The following GABRG3 variants were observed in gnomAD, a reference collection of about 807,000 sequenced individuals.
GABRG3 encodes the protein gamma-aminobutyric acid receptor subunit gamma-3.
In GABRG3, 25 loss-of-function variants were observed where a neutral mutation model predicts 48.8. The ratio of observed to expected loss-of-function variants is 0.51; its 90% CI spans 0.37 to 0.72. The LOEUF (loss-of-function observed/expected upper bound fraction) is 0.72, where lower values mean the gene tolerates loss of function less well. Ranked by LOEUF, GABRG3 falls within the 30% of genes least tolerant of loss-of-function variation. GABRG3 has a pLI of 0.00. For missense variants in GABRG3, 394 were observed against 577.9 expected (o/e 0.68, Z 3.26); for synonymous variants, 227 against 217.6 (o/e 1.04, Z -0.38).
chr15:27,163,121 C>T (rs28593640), intron 3 of GABRG3, among the ~76,000 whole-genome samples: 15,808 of 152,032 alleles, frequency 0.1, 1,553 homozygotes, highest in African/African-American at 0.26. Context: ...CCTACCAAGC[C>T]TGGTCCCAGA....
At chr15:27,149,137 A>G (rs1898263228) in intron 3 of GABRG3, among the ~76,000 whole-genome samples, 1 of 152,154 alleles carries the variant, frequency 6.6e-6, no homozygotes, top group Non-Finnish European at 1.5e-5. Flanking sequence ...AAAATAATGA[A>G]TGAGTTCAAC....
chr15:27,237,383 A>T (rs1890006165), intron 3 of GABRG3, among the ~76,000 whole-genome samples: 2 of 152,342 alleles, frequency 1.3e-5, no homozygotes, highest in South Asian at 4.1e-4. Context: ...ATCATCCTTC[A>T]TGTTTTTCCA....
intron 5 of GABRG3, among the ~76,000 whole-genome samples, chr15:27,375,853 A>G (rs1002057622): frequency 6.6e-6 from 1 of 152,148 alleles, no homozygotes; most frequent in Admixed American, 6.5e-5. Flanking sequence ...GAAATCTCAT[A>G]TCTTCACATT....
At chr15:27,092,462 T>G (rs187610432) in intron 3 of GABRG3, among the ~76,000 whole-genome samples, 94 of 152,334 alleles carry the variant, frequency 6.2e-4, no homozygotes, top group African/African-American at 2.2e-3. Context: ...CCTGCCTGCC[T>G]TGGACAGCTG....
intron 3 of GABRG3, among the ~76,000 whole-genome samples, chr15:27,247,979 C>G (rs1890320402): frequency 1.3e-5 from 2 of 152,206 alleles, no homozygotes; most frequent in African/African-American, 4.8e-5. Context: ...TAACGCATGA[C>G]TACACATAAG....
chr15:27,388,368 G>GA, intron 5 of GABRG3, among the ~76,000 whole-genome samples: 1 of 96,540 alleles, frequency 1.0e-5, no homozygotes, highest in African/African-American at 4.4e-5. Flanking sequence ...AAGGAAGGAA[G>GA]AAAGGAAGGA....
intron 5 of GABRG3, among the ~76,000 whole-genome samples, chr15:27,351,596 G>A (rs991891058): frequency 4.2e-5 from 6 of 144,536 alleles, no homozygotes; most frequent in African/African-American, 1.0e-4. Context: ...TGTGTATGGC[G>A]TTTGTGTGTG....
At chr15:26,996,842 CG>C (rs544924700) in intron 2 of GABRG3, among the ~76,000 whole-genome samples, 18 of 151,866 alleles carry the variant, frequency 1.2e-4, no homozygotes, top group African/African-American at 4.1e-4. Context: ...TTAGTAGAGA[CG>C]GGGTTTCACC....
At chr15:27,206,242 G>T (rs1377119991) in intron 3 of GABRG3, among the ~76,000 whole-genome samples, 1 of 152,058 alleles carries the variant, frequency 6.6e-6, no homozygotes, top group Non-Finnish European at 1.5e-5. Context: ...CAGAGATCTG[G>T]CATGTTGTAT....
intron 3 of GABRG3, among the ~76,000 whole-genome samples, chr15:27,206,333 T>G (rs1479144975): frequency 6.6e-6 from 1 of 152,232 alleles, no homozygotes; most frequent in Non-Finnish European, 1.5e-5. Context: ...CGGGGTCAGA[T>G]TATTTAATTT....
At chr15:27,032,915 C>T (rs1896110704) in intron 3 of GABRG3, among the ~76,000 whole-genome samples, 1 of 152,204 alleles carries the variant, frequency 6.6e-6, no homozygotes, top group South Asian at 2.1e-4. Context: ...TCTGGTTCCC[C>T]TGCCTTTCTG....
intron 5 of GABRG3, among the ~76,000 whole-genome samples, chr15:27,412,216 T>C (rs1260739444): frequency 6.6e-6 from 1 of 151,948 alleles, no homozygotes; most frequent in Non-Finnish European, 1.5e-5. Flanking sequence ...TTCCCTCATT[T>C]CCCCAATGGT....
rs1409982774 is a variant in GABRG3, at chr15:27,457,043, G to A, written c.575-23607G>A. On this transcript the variant is annotated intron_variant, in intron 5 of 9. Coordinates refer to ENST00000615808, the MANE Select transcript of GABRG3 (RefSeq NM_033223.5). This position sits in a 1 kb window ranked among gnomAD's most constrained non-coding sequence, Gnocchi z 4.4. ...CTCAGAAGGACCTGTGACAGCAGGG[G>A]TGTGGAAGTAGAAGGAGCTGGAGGA... is the stretch of plus-strand genomic sequence containing the variant. 6.6e-6 allele frequency among the ~76,000 whole-genome samples: 1 copy of A among 152,212 alleles called. No homozygotes were observed. The highest frequency in any genetic ancestry group is 1.9e-4 in the East Asian group (1 of 5,164).
chr15:27,133,672 AGTT>A (rs1897960030), intron 3 of GABRG3, among the ~76,000 whole-genome samples: 1 of 152,154 alleles, frequency 6.6e-6, no homozygotes, highest in South Asian at 2.1e-4. Flanking sequence ...GCTTTTTATT[AGTT>A]TTTATGACAA....
intron 3 of GABRG3, among the ~76,000 whole-genome samples, chr15:27,167,446 C>G (rs1318083932): frequency 6.6e-6 from 1 of 152,324 alleles, no homozygotes; most frequent in African/African-American, 2.4e-5. Flanking sequence ...CCTGGCTGGG[C>G]TCAGCTTAGC....
chr15:27,517,619 G>A (rs1278514130), intron 6 of GABRG3, among the ~76,000 whole-genome samples: 1 of 152,102 alleles, frequency 6.6e-6, no homozygotes, highest in African/African-American at 2.4e-5. Flanking sequence ...TTACTCTTTG[G>A]ATGTTCCATT....
chr15:27,192,903 G>A lies in GABRG3; in HGVS notation c.271-133906G>A, dbSNP rs1293426496. On this transcript the variant is annotated intron_variant, in intron 3 of 9. Coordinates refer to ENST00000615808, the MANE Select transcript of GABRG3 (RefSeq NM_033223.5). ...GTACAGATGGGTTTTTGGTGTGGAT[G>A]TCCTTTCTGTTTGTTAGTTTTCCTT... is the stretch of plus-strand genomic sequence containing the variant. Among the ~76,000 whole-genome samples the A allele has an allele frequency of 2.6e-5, 4 of 152,238 alleles. No individual in the cohort carries two copies. In the East Asian group the frequency reaches 5.8e-4, roughly 22 times the overall value.
intron 3 of GABRG3, among the ~76,000 whole-genome samples, chr15:27,122,215 C>T (rs144083611): frequency 6.6e-6 from 1 of 151,728 alleles, no homozygotes; most frequent in Admixed American, 6.6e-5. Flanking sequence ...CTCATGTACC[C>T]CATAAATATA....
intron 5 of GABRG3, among the ~76,000 whole-genome samples, chr15:27,415,653 G>C (rs77322056): frequency 0.052 from 7,828 of 151,984 alleles, 213 homozygotes; most frequent in Middle Eastern, 0.13. Context: ...AAAACCTACT[G>C]ACATTTAAAA....
Sources: gnomAD v4.1 joint callset for allele counts (sites outside exome capture counted in the v4.1 genomes callset) on GRCh38, gnomAD v4.1.1 for gene constraint, Gnocchi (gnomAD v3.1) non-coding constraint, MANE v1.5 for transcripts, NCBI Gene and HGNC (gene_info 2026-07-23, HGNC 2026-07-21) for gene names.